Variants in PSTPIP2 observed in about 807,000 individuals in gnomAD.
PSTPIP2 encodes the protein proline-serine-threonine phosphatase interacting protein 2, also known as proline-serine-threonine phosphatase-interacting protein 2.
PSTPIP2 carries 33 observed loss-of-function variants against 63.3 expected under a neutral mutation model. The ratio of observed to expected loss-of-function variants is 0.52; its 90% CI spans 0.40 to 0.70. PSTPIP2 has a LOEUF of 0.70. PSTPIP2 is among the 30% of genes least tolerant of loss of function. The pLI is 0.00. For synonymous variants in PSTPIP2, 125 were observed against 132.7 expected (o/e 0.94, Z 0.40); for missense variants, 312 against 400.7 (o/e 0.78, Z 1.89).
At chr18:46,063,869 T>C (rs961332692) in intron 1 of PSTPIP2, among the ~76,000 whole-genome samples, 3 of 152,170 alleles carry the variant, frequency 2.0e-5, no homozygotes, top group African/African-American at 7.2e-5. Context: ...GAAACTAGCA[T>C]CCGCACATAC....
rs1375041565 is a variant in PSTPIP2, at chr18:46,062,825, C to T, written c.33+9331G>A. On this transcript the variant is annotated intron_variant, in intron 1 of 14. Transcript: ENST00000409746. ...CCACCATCCCGGCAGGTAAACCACT[C>T]TTTTTAGCCTGAAGGAGAGTAGGTC... 5.3e-5 allele frequency among the ~76,000 whole-genome samples: 8 copies of T among 152,142 alleles called. No individual in the cohort carries two copies. The South Asian group carries it at 1.7e-3, about 32-fold the overall frequency.
intron 1 of PSTPIP2, among the ~76,000 whole-genome samples, chr18:46,046,689 A>T (rs771326667): frequency 1.3e-5 from 2 of 152,238 alleles, no homozygotes; most frequent in Admixed American, 1.3e-4. Flanking sequence ...AGAACACTAG[A>T]GAATGGGGAG....
chr18:46,040,293 G>A lies in PSTPIP2; in HGVS notation c.34-246C>T, dbSNP rs1908145196. On this transcript the variant is annotated intron_variant, in intron 1 of 14. Transcript: ENST00000409746. ...GCTAGCCCTGCAACCAGAAATTAGG[G>A]ATGTGAATGAATAATCCACCAACCA... is the stretch of plus-strand genomic sequence containing the variant. 3 of 354,660 alleles carry A rather than the reference G, an allele frequency of 8.5e-6. No homozygotes were observed. The East Asian group carries it at 1.7e-4, about 20-fold the overall frequency. The allele number at this position is 354,660 out of a possible 1,614,324, so 22.0% of individuals were successfully genotyped here.
In PSTPIP2 at chr18:45,985,292, T is replaced by C; in HGVS notation, c.*167A>G. ...AAAACTGCAGAACTCTACTTGCTTA[T>C]GTTGTCCTAAATGTCTACCATAAAT... On this transcript the variant is annotated 3_prime_UTR_variant, in exon 15 of 15. Coordinates refer to ENST00000409746, the MANE Select transcript of PSTPIP2 (RefSeq NM_024430.4). 1 of 926,778 alleles carries C rather than the reference T, an allele frequency of 1.1e-6. No homozygotes were observed. Among genetic ancestry groups the C allele is most frequent in the African/African-American group, 1.7e-5 (1 of 57,216 alleles). 57.4% of individuals were successfully genotyped at this position (926,778 alleles called of 1,614,324 possible). A position where few individuals can be genotyped will look rare whatever the true frequency, so the allele number is the denominator to read the frequency against.
chr18:46,016,830 C>T (rs774236207), intron 3 of PSTPIP2, among the ~76,000 whole-genome samples: 1 of 152,172 alleles, frequency 6.6e-6, no homozygotes, highest in Non-Finnish European at 1.5e-5. Context: ...TTACCCTCAG[C>T]AATAAAATAC....
chr18:46,034,282 T>C (rs149215714), intron 2 of PSTPIP2, among the ~76,000 whole-genome samples: 255 of 152,332 alleles, frequency 1.7e-3, no homozygotes, highest in African/African-American at 5.8e-3. Context: ...TCCACAAGCA[T>C]GCTTCCCTCC....
At chr18:45,998,050 C>T (rs2051621598) in intron 8 of PSTPIP2, among the ~76,000 whole-genome samples, 1 of 151,940 alleles carries the variant, frequency 6.6e-6, no homozygotes, top group Non-Finnish European at 1.5e-5. Context: ...AACATTGGAC[C>T]TAACATTGAG....
intron 2 of PSTPIP2, 133 bp downstream of exon 2, chr18:46,039,814 A>G (rs1908123876): frequency 1.3e-6 from 1 of 740,894 alleles, no homozygotes; most frequent in South Asian, 1.6e-5. Context: ...CTTCTCAGGT[A>G]TCATTCCATA....
At chr18:46,049,751 G>A (rs1049209717) in intron 1 of PSTPIP2, among the ~76,000 whole-genome samples, 2 of 152,124 alleles carry the variant, frequency 1.3e-5, no homozygotes, top group African/African-American at 2.4e-5. Context: ...GTGGTGGCAC[G>A]TGCCTGTAAT....
chr18:45,985,231 A>G lies in PSTPIP2; in HGVS notation c.*228T>C. The G allele has an allele frequency of 1.7e-6, 1 of 571,922 alleles. No individual in the cohort carries two copies. The highest frequency in any genetic ancestry group is 3.1e-4 in the Middle Eastern group (1 of 3,224). 35.4% of individuals were successfully genotyped at this position (571,922 alleles called of 1,614,324 possible). ...TCATAACCTGAGTAACTGGGAAAGAATAATTCTTCAGAATGGGGCAATTTG... is the reference window on the plus strand; with the variant it reads ...TCATAACCTGAGTAACTGGGAAAGAGTAATTCTTCAGAATGGGGCAATTTG... On this transcript the variant is annotated 3_prime_UTR_variant, in exon 15 of 15. Transcript: ENST00000409746.
At chr18:45,994,863 G>A (rs1445029764) in intron 9 of PSTPIP2, among the ~76,000 whole-genome samples, 2 of 151,692 alleles carry the variant, frequency 1.3e-5, no homozygotes, top group East Asian at 3.9e-4. Context: ...TTGTTGTTAT[G>A]GAATATTTCA....
At chr18:46,066,849 ACCCC>A (rs894285786) in intron 1 of PSTPIP2, among the ~76,000 whole-genome samples, 3 of 151,272 alleles carry the variant, frequency 2.0e-5, no homozygotes, top group African/African-American at 7.3e-5. Flanking sequence ...ACCTGGTGAA[ACCCC>A]CGTCTCTACT....
At chr18:46,020,276 C>A (rs1907297004) in intron 3 of PSTPIP2, among the ~76,000 whole-genome samples, 1 of 152,162 alleles carries the variant, frequency 6.6e-6, no homozygotes. Context: ...AGCACGTTGG[C>A]CTTAAGCCCT....
In PSTPIP2 at chr18:45,990,717, C is replaced by G; in HGVS notation, c.955+5G>C. On this transcript the variant is annotated splice_donor_5th_base_variant and intron_variant, in intron 13 of 14. Coordinates refer to ENST00000409746, the MANE Select transcript of PSTPIP2 (RefSeq NM_024430.4). ...AATTTCAAAAGACCTTTTTTAGTGG[C>G]ATACCTGGTGAGCTTTTAGGAATTG... 1 of 1,604,260 alleles carries G rather than the reference C, an allele frequency of 6.2e-7. No homozygotes were observed. The highest frequency in any genetic ancestry group is 8.5e-7 in the Non-Finnish European group (1 of 1,171,744).
chr18:46,029,697 C>A lies in PSTPIP2; in HGVS notation c.135-5011G>T. ...CTTCAGGAAAAATGAAAGAAGCAGT[C>A]ATTGGTTCATCTTCCTTCCTGTACA... On this transcript the variant is annotated intron_variant, in intron 2 of 14. Coordinates refer to ENST00000409746, the MANE Select transcript of PSTPIP2 (RefSeq NM_024430.4). 4.3e-6 allele frequency: 3 copies of A among 694,810 alleles called. No individual in the cohort carries two copies. The South Asian group carries it at 4.9e-5, about 11-fold the overall frequency. The allele number at this position is 694,810 out of a possible 1,614,324, so 43.0% of individuals were successfully genotyped here. A position where few individuals can be genotyped will look rare whatever the true frequency, so the allele number is the denominator to read the frequency against.
chr18:46,005,529 T>C lies in PSTPIP2; in HGVS notation c.357A>G (p.Thr119=). ...TATGGATAGCATCCATTATGAGCTC[T>C]GTCTGTAAAGAGATCATAAACACTC... The part of the protein sequence containing the change: ...REKQKLQRKK[T]ELIMDAIHKQ... The change falls in exon 6 of 15, where the codon ACA becomes ACG. Residue 119 remains threonine, a splice_region_variant and synonymous_variant. Coordinates refer to ENST00000409746, the MANE Select transcript of PSTPIP2 (RefSeq NM_024430.4). The C allele has an allele frequency of 1.9e-6, 3 of 1,590,504 alleles. No individual in the cohort carries two copies. The highest frequency in any genetic ancestry group is 1.1e-5 in the South Asian group (1 of 89,220).
At chr18:46,045,314 T>C (rs949807710) in intron 1 of PSTPIP2, among the ~76,000 whole-genome samples, 24 of 152,214 alleles carry the variant, frequency 1.6e-4, no homozygotes, top group African/African-American at 5.5e-4. Context: ...ATATACACCA[T>C]GGAATACTAT....
intron 1 of PSTPIP2, among the ~76,000 whole-genome samples, chr18:46,057,224 C>A (rs1908790218): frequency 6.6e-6 from 1 of 152,228 alleles, no homozygotes; most frequent in Non-Finnish European, 1.5e-5. Flanking sequence ...CTCCCTCCCT[C>A]CACAGGGGCC....
At chr18:46,042,838 T>C (rs1252467102) in intron 1 of PSTPIP2, among the ~76,000 whole-genome samples, 3 of 152,118 alleles carry the variant, frequency 2.0e-5, no homozygotes, top group African/African-American at 7.2e-5. Flanking sequence ...ACCACCTGTG[T>C]TCTCTGAGTA....
Sources: allele counts gnomAD v4.1 joint callset (sites outside exome capture counted in the v4.1 genomes callset), GRCh38; gene constraint gnomAD v4.1.1; transcripts MANE v1.5; gene names NCBI Gene and HGNC (gene_info 2026-07-23, HGNC 2026-07-21).